Variants in KIF20B observed in about 807,000 individuals in gnomAD.
KIF20B encodes kinesin family member 20B, also known as kinesin-like protein KIF20B.
A neutral mutation model predicts 232.5 loss-of-function variants in KIF20B; 188 were observed. The observed-to-expected ratio is 0.81, with a 90% CI of 0.72 to 0.91. The LOEUF (loss-of-function observed/expected upper bound fraction) is 0.91. Ranked by LOEUF, KIF20B falls within the 40% of genes least tolerant of loss-of-function variation. The probability of loss-of-function intolerance (pLI) is 0.00; values close to 1 mark genes in which losing one functional copy is unlikely to be tolerated. For synonymous variants in KIF20B, 712 were observed against 683.0 expected (o/e 1.04, Z -0.66); for missense variants, 2,154 against 2,055.9 (o/e 1.05, Z -0.92).
At chr10:89,766,705 A>G (rs1842368362) in intron 29 of KIF20B, among the ~76,000 whole-genome samples, 1 of 152,128 alleles carries the variant, frequency 6.6e-6, no homozygotes, top group African/African-American at 2.4e-5. Context: ...CTGATGTAAG[A>G]GCAGAAATAG....
Position 89,705,418 on chromosome 10 carries a change from T to G in KIF20B, c.124T>G (p.Ser42Ala), listed in dbSNP as rs1475266085. ...GIKLDLSHEF[S>A]LVAPNTEANS... ...TAAGCTTGATCTGTCTCATGAATTT[T>G]CCTTAGTTGCTCCAAATACTGAGGT... Residue 42 changes from serine to alanine, a missense_variant, in exon 2 of 33, where the codon TCC (serine) becomes GCC (alanine). Ser to Ala is a moderately conservative substitution (Grantham distance 99). Coordinates refer to ENST00000371728, the MANE Select transcript of KIF20B (RefSeq NM_001284259.2). The G allele has an allele frequency of 6.2e-7, 1 of 1,614,072 alleles. No homozygotes were observed. Among genetic ancestry groups the G allele is most frequent in the East Asian group, 2.2e-5 (1 of 44,852 alleles).
intron 31 of KIF20B, among the ~76,000 whole-genome samples, chr10:89,769,721 A>G (rs1349624282): frequency 6.6e-6 from 1 of 151,960 alleles, no homozygotes; most frequent in African/African-American, 2.4e-5. Flanking sequence ...GTTTTAACAC[A>G]GGTGGAGTAT....
At chr10:89,707,181 T>A (rs566175583) in intron 2 of KIF20B, among the ~76,000 whole-genome samples, 4 of 152,326 alleles carry the variant, frequency 2.6e-5, no homozygotes, top group African/African-American at 9.6e-5. Flanking sequence ...GTTGCTTTAT[T>A]TAGGCATAAT....
chr10:89,728,903 C>G (rs894743375), intron 17 of KIF20B, among the ~76,000 whole-genome samples: 4 of 98,184 alleles, frequency 4.1e-5, no homozygotes, highest in Non-Finnish European at 6.7e-5. Flanking sequence ...CTTCTTTTTT[C>G]TTTGTGTGTG....
At chr10:89,714,747 AAAAG>A (rs1842903506) in intron 7 of KIF20B, among the ~76,000 whole-genome samples, 1 of 152,170 alleles carries the variant, frequency 6.6e-6, no homozygotes, top group Admixed American at 6.5e-5. Context: ...CATATTTTCA[AAAAG>A]AAAGGAATTA....
At chr10:89,766,883 A>C (rs1041378458) in intron 29 of KIF20B, among the ~76,000 whole-genome samples, 1 of 151,504 alleles carries the variant, frequency 6.6e-6, no homozygotes, top group Non-Finnish European at 1.5e-5. Flanking sequence ...TAACATTAAA[A>C]CACTGAGTTT....
At position 89,758,850 on chromosome 10, in the gene KIF20B, C is replaced by A; in HGVS notation, c.4648C>A (p.Leu1550Ile). The A allele has an allele frequency of 6.3e-7, 1 of 1,590,994 alleles. No individual in the cohort carries two copies. ...ACAGAAAGATAATGAAATTGAACAA[C>A]TAAAAAGGATCATATCAGAGACTTC... ...NVQKDNEIEQ[L>I]KRIISETSKI... The change falls in exon 27 of 33, where the codon CTA (leucine) becomes ATA (isoleucine). Residue 1550 changes from leucine (L) to isoleucine (I), a missense_variant. By Grantham distance (5) the Leu-to-Ile change is conservative. Coordinates refer to ENST00000371728, the MANE Select transcript of KIF20B (RefSeq NM_001284259.2).
intron 4 of KIF20B, among the ~76,000 whole-genome samples, 185 bp from the exon 5 acceptor site, chr10:89,709,742 G>T (rs1842800345): frequency 6.6e-6 from 1 of 151,910 alleles, no homozygotes; most frequent in African/African-American, 2.4e-5. Flanking sequence ...TGATTCCCTG[G>T]TACAGATTTC....
chr10:89,765,845 C>CT (rs1452616525), intron 29 of KIF20B, among the ~76,000 whole-genome samples: 5 of 152,130 alleles, frequency 3.3e-5, no homozygotes, highest in Non-Finnish European at 5.9e-5. Context: ...TCTCTTCTGG[C>CT]TTGTAGAGTT....
chr10:89,715,066 T>A lies in KIF20B; in HGVS notation c.824T>A (p.Phe275Tyr), dbSNP rs776079423. 5.6e-6 allele frequency: 9 copies of A among 1,606,524 alleles called. No individual in the cohort carries two copies. Among genetic ancestry groups the A allele is most frequent in the Non-Finnish European group, 7.7e-6 (9 of 1,175,532 alleles). Reference sequence around the variant, plus strand: ...ATAAAATTTTCTGTGTGGGTTTCTTTCTTTGAAATTTACAATGAATATATT... The same window carrying A: ...ATAAAATTTTCTGTGTGGGTTTCTTACTTTGAAATTTACAATGAATATATT... Reference protein sequence around the residue: ...NSIKFSVWVSFFEIYNEYIYD... With the variant: ...NSIKFSVWVSYFEIYNEYIYD... The change falls in exon 8 of 33, where the codon TTC becomes TAC. Residue 275 changes from phenylalanine (F) to tyrosine (Y), a missense_variant. By Grantham distance (22) the Phe-to-Tyr change is conservative (BLOSUM62 3). Transcript: ENST00000371728.
chr10:89,719,562 A>G lies in KIF20B; in HGVS notation c.1578A>G (p.Leu526=), dbSNP rs1190389910. 3 of 1,613,492 alleles carry G rather than the reference A, an allele frequency of 1.9e-6. No homozygotes were observed. The highest frequency in any genetic ancestry group is 1.7e-5 in the Admixed American group (1 of 59,982). The change falls in exon 13 of 33, where the codon CTA becomes CTG. Residue 526 remains leucine, a synonymous_variant. Coordinates refer to ENST00000371728, the MANE Select transcript of KIF20B (RefSeq NM_001284259.2). ...KRATISWENS[L]EDLMEDEDLV... ...CCACCATTTCATGGGAAAATAGTCT[A>G]GAAGATTTGATGGAAGACGAGGATT... is the stretch of plus-strand genomic sequence containing the variant.
In KIF20B at chr10:89,717,573, C is replaced by A. The variant is rs1435816241; in HGVS notation, c.1125-3C>A. ...TTAAAGTACTTTTTTTTTCTTAATT[C>A]AGATTATCTTTATGTGATCTTGCTG... On this transcript the variant is annotated splice_polypyrimidine_tract_variant and splice_region_variant and intron_variant, in intron 10 of 32. Coordinates refer to ENST00000371728, the MANE Select transcript of KIF20B (RefSeq NM_001284259.2). The A allele has an allele frequency of 1.9e-6, 3 of 1,599,208 alleles. No individual in the cohort carries two copies. Among genetic ancestry groups the A allele is most frequent in the Non-Finnish European group, 2.6e-6 (3 of 1,173,608 alleles).
At chr10:89,740,521 G>A (rs188275632) in intron 21 of KIF20B, among the ~76,000 whole-genome samples, 1 of 152,084 alleles carries the variant, frequency 6.6e-6, no homozygotes, top group East Asian at 1.9e-4. Flanking sequence ...TTGGTGGGTG[G>A]GACTGAAATT....
At chr10:89,768,034 A>C (rs151326547) in intron 29 of KIF20B, among the ~76,000 whole-genome samples, 204 of 152,112 alleles carry the variant, frequency 1.3e-3, no homozygotes, top group African/African-American at 4.6e-3. Context: ...AGGGCTATCT[A>C]TCCTGTGCAT....
At position 89,714,996 on chromosome 10, in the gene KIF20B, T is replaced by C. The variant is rs1342476150; in HGVS notation, c.754T>C (p.Ser252Pro). Residue 252 changes from serine (S) to proline (P), a missense_variant, in exon 8 of 33, where the codon TCC becomes CCC. Physicochemically the swap from Ser to Pro is moderately conservative, Grantham distance 74 (BLOSUM62 -1). Transcript: ENST00000371728. ...NSLNISEFEE[S>P]IKDYEQANLN... Reference sequence around the variant, plus strand: ...TTTGAATATCTCAGAGTTTGAAGAATCCATAAAAGATTATGAACAAGCCAA... The same window carrying C: ...TTTGAATATCTCAGAGTTTGAAGAACCCATAAAAGATTATGAACAAGCCAA... The C allele has an allele frequency of 1.3e-6, 2 of 1,594,258 alleles. No homozygotes were observed. The highest frequency in any genetic ancestry group is 1.8e-4 in the Middle Eastern group (1 of 5,636).
rs769017488 is a variant in KIF20B, at chr10:89,758,809, T to C, written c.4607T>C (p.Leu1536Pro). Residue 1536 changes from leucine (L) to proline (P), a missense_variant, in exon 27 of 33, where the codon CTG becomes CCG. Leu to Pro is a moderately conservative substitution (Grantham distance 98). Transcript: ENST00000371728. ...VAALEIQLKA[L>P]ISSNVQKDNE... Reference sequence around the variant, plus strand: ...GCTTTAGAAATACAGCTAAAAGCACTGATATCCAGTAATGTACAGAAAGAT... The same window carrying C: ...GCTTTAGAAATACAGCTAAAAGCACCGATATCCAGTAATGTACAGAAAGAT... The C allele has an allele frequency of 2.0e-5, 32 of 1,607,000 alleles. No individual in the cohort carries two copies. The Middle Eastern group carries it at 6.6e-4, about 33-fold the overall frequency.
chr10:89,742,139 A>G (rs1342407840), intron 21 of KIF20B, among the ~76,000 whole-genome samples: 1 of 152,206 alleles, frequency 6.6e-6, no homozygotes, highest in Non-Finnish European at 1.5e-5. Context: ...AAGAAAAAAG[A>G]AATTTATGTT....
rs1417091000 is a variant in KIF20B, at chr10:89,768,387, A to T, written c.5087A>T (p.Gln1696Leu). The T allele has an allele frequency of 1.3e-6, 2 of 1,541,604 alleles. No homozygotes were observed. Among genetic ancestry groups the T allele is most frequent in the East Asian group, 2.3e-5 (1 of 44,180 alleles). The stretch of plus-strand genomic sequence containing the variant: ...AGAAATTCTTCTGTCAAAAAGGAAC[A>T]AAAGGTGTGTCTTTTAATTTGTCCA... ...DDRNSSVKKE[Q>L]KVAIRPSSKK... The change falls in exon 30 of 33, where the codon CAA (glutamine) becomes CTA (leucine). Residue 1696 changes from glutamine (Q) to leucine (L), a missense_variant. Coordinates refer to ENST00000371728, the MANE Select transcript of KIF20B (RefSeq NM_001284259.2).
intron 26 of KIF20B, among the ~76,000 whole-genome samples, chr10:89,758,173 G>T (rs1014873531): frequency 1.3e-5 from 2 of 151,970 alleles, no homozygotes; most frequent in Middle Eastern, 3.4e-3. Context: ...TTACTCTCTA[G>T]ATCTATTTGG....
Sources: gnomAD v4.1 joint callset for allele counts (sites outside exome capture counted in the v4.1 genomes callset) on GRCh38, gnomAD v4.1.1 for gene constraint, MANE v1.5 for transcripts, NCBI Gene and HGNC (gene_info 2026-07-23, HGNC 2026-07-21) for gene names.